UBE2K: variants seen among roughly 807,000 people sequenced by gnomAD.
UBE2K encodes ubiquitin-conjugating enzyme E2 K.
In UBE2K, 6 loss-of-function variants were observed where a neutral mutation model predicts 30.0. The observed-to-expected ratio is 0.20, with a 90% CI of 0.11 to 0.39. UBE2K has a LOEUF of 0.39. UBE2K is among the 10% of genes least tolerant of loss of function. UBE2K has a pLI of 1.00. For synonymous variants in UBE2K, 86 were observed against 83.7 expected, an observed-to-expected ratio of 1.03 and a Z score of -0.15; for missense variants, 61 against 241.6, an observed-to-expected ratio of 0.25 and a Z score of 4.96.
chr4:39,723,468 A>C (rs942187744), intron 1 of UBE2K, among the ~76,000 whole-genome samples: 3 of 142,270 alleles, frequency 2.1e-5, no homozygotes, highest in Admixed American at 1.5e-4. Context: ...TCCCAGGTTC[A>C]TGCCATTCTG....
intron 3 of UBE2K, among the ~76,000 whole-genome samples, chr4:39,752,311 A>ATT (rs751312791): frequency 8.4e-6 from 1 of 118,542 alleles, no homozygotes; most frequent in African/African-American, 3.2e-5. Flanking sequence ...CGCCTGGCTA[A>ATT]TTTTTTTTTT....
At chr4:39,718,380 A>C (rs1444693053) in intron 1 of UBE2K, among the ~76,000 whole-genome samples, 1 of 152,220 alleles carries the variant, frequency 6.6e-6, no homozygotes, top group African/African-American at 2.4e-5. Flanking sequence ...CGATTGGTGC[A>C]TTCACAATCC....
chr4:39,742,655 T>C (rs912080497), intron 2 of UBE2K, among the ~76,000 whole-genome samples: 3 of 152,078 alleles, frequency 2.0e-5, no homozygotes, highest in African/African-American at 7.2e-5. Context: ...GGTAGGAGAA[T>C]TGCTGGAACT....
At chr4:39,743,011 A>C (rs931945213) in intron 2 of UBE2K, among the ~76,000 whole-genome samples, 8 of 151,382 alleles carry the variant, frequency 5.3e-5, no homozygotes, top group Non-Finnish European at 8.8e-5. Context: ...GTGCCTCTGC[A>C]CTCCAGCCTG....
chr4:39,721,674 CA>C (rs1431694144), intron 1 of UBE2K, among the ~76,000 whole-genome samples: 2 of 152,074 alleles, frequency 1.3e-5, no homozygotes, highest in East Asian at 3.9e-4. Flanking sequence ...AACTTTTTAT[CA>C]ATAAAATTTT....
At chr4:39,703,180 G>T (rs529515589) in intron 1 of UBE2K, among the ~76,000 whole-genome samples, 3 of 151,912 alleles carry the variant, frequency 2.0e-5, no homozygotes, top group African/African-American at 7.2e-5. Context: ...TAGTAGAGAC[G>T]GGGGTTTCAC....
At chr4:39,762,957 T>G (rs898046443) in intron 4 of UBE2K, among the ~76,000 whole-genome samples, 2 of 143,256 alleles carry the variant, frequency 1.4e-5, no homozygotes, top group African/African-American at 5.3e-5. Flanking sequence ...TTTTTTTTTT[T>G]TTTTTTGGAG....
chr4:39,730,163 A>G (rs1300864290), intron 1 of UBE2K, among the ~76,000 whole-genome samples: 1 of 152,188 alleles, frequency 6.6e-6, no homozygotes, highest in Non-Finnish European at 1.5e-5. Context: ...TAGATTGAGT[A>G]AAGTTTGACA....
At chr4:39,704,132 G>T (rs12645606) in intron 1 of UBE2K, among the ~76,000 whole-genome samples, 19,787 of 151,424 alleles carry the variant, frequency 0.13, 1,504 homozygotes, top group East Asian at 0.22. Flanking sequence ...GGCTCACATC[G>T]GTAATTGCAG....
At position 39,779,339 on chromosome 4, in the gene UBE2K, T is replaced by C. The variant is rs1713469725; in HGVS notation, c.*905T>C. 6.6e-6 allele frequency: 1 copy of C among 152,386 alleles called. No homozygotes were observed. Among genetic ancestry groups the C allele is most frequent in the Admixed American group, 6.5e-5 (1 of 15,274 alleles). 9.4% of individuals were successfully genotyped at this position (152,386 alleles called of 1,614,324 possible). A position where few individuals can be genotyped will look rare whatever the true frequency, so the allele number is the denominator to read the frequency against. On this transcript the variant is annotated 3_prime_UTR_variant, in exon 7 of 7. Transcript: ENST00000261427. ...TTCAGTGAATTTGACACCTATTTTT[T>C]AGTGATGAAATTTTTCTTTGAGAAC...
At position 39,777,690 on chromosome 4, in the gene UBE2K, A is replaced by C. The variant is rs767042581; in HGVS notation, c.408A>C (p.Gln136His). The C allele has an allele frequency of 2.6e-6, 4 of 1,558,262 alleles. No homozygotes were observed. The African/African-American group carries it at 4.2e-5, about 16-fold the overall frequency. Reference sequence around the variant, plus strand: ...TTTTTCCCCCCATATAGTACAAACAAAATCCCGAAATGTTCAAACAGACAG... The same window carrying C: ...TTTTTCCCCCCATATAGTACAAACACAATCCCGAAATGTTCAAACAGACAG... ...QDAVVANQYK[Q>H]NPEMFKQTAR... is the part of the protein sequence containing the mutation. The change falls in exon 6 of 7, where the codon CAA (glutamine) becomes CAC (histidine). Residue 136 changes from glutamine (Q) to histidine (H), a missense_variant. Physicochemically the swap from Gln to His is conservative, Grantham distance 24. Coordinates refer to ENST00000261427, the MANE Select transcript of UBE2K (RefSeq NM_005339.5).
At chr4:39,755,564 C>A in intron 3 of UBE2K, 93 bp from the exon 4 acceptor site, 4 of 996,186 alleles carry the variant, frequency 4.0e-6, no homozygotes, top group Non-Finnish European at 6.1e-6. Flanking sequence ...AGGGACCTTT[C>A]TTTTTTTAGT....
In UBE2K at chr4:39,698,668, A is replaced by T. The variant is rs193097629; in HGVS notation, c.63+278A>T. Among the ~76,000 whole-genome samples the T allele has an allele frequency of 2.4e-4, 37 of 152,204 alleles. 1 individual carries two copies. The East Asian group carries it at 6.8e-3, about 28-fold the overall frequency. On this transcript the variant is annotated intron_variant, in intron 1 of 6. Transcript: ENST00000261427. Reference sequence around the variant, plus strand: ...ACTCCTCGGAGGGATGGAAGCTCACAAGAGAACCCGAGGCGGTGGCCGCAG... The same window carrying T: ...ACTCCTCGGAGGGATGGAAGCTCACTAGAGAACCCGAGGCGGTGGCCGCAG...
chr4:39,768,888 C>G (rs542910806), intron 4 of UBE2K, among the ~76,000 whole-genome samples: 83 of 152,212 alleles, frequency 5.5e-4, no homozygotes, highest in African/African-American at 1.9e-3. Flanking sequence ...GATGGAGTAT[C>G]ACTCTGTCAC....
chr4:39,712,864 T>C (rs897782592), intron 1 of UBE2K, among the ~76,000 whole-genome samples: 1 of 149,836 alleles, frequency 6.7e-6, no homozygotes, highest in Non-Finnish European at 1.5e-5. Flanking sequence ...GTGTTTACTT[T>C]TTTTTTTTTT....
intron 4 of UBE2K, among the ~76,000 whole-genome samples, chr4:39,766,216 C>G (rs1431365596): frequency 6.6e-6 from 1 of 151,774 alleles, no homozygotes; most frequent in South Asian, 2.1e-4. Context: ...GACTGCCATA[C>G]TGTTTCCCAT....
intron 1 of UBE2K, among the ~76,000 whole-genome samples, chr4:39,722,402 G>C (rs1408309064): frequency 6.6e-6 from 1 of 152,112 alleles, no homozygotes; most frequent in Admixed American, 6.6e-5. Flanking sequence ...TACTGTTATT[G>C]ATGCTTGGTC....
chr4:39,700,752 A>G (rs1717961766), intron 1 of UBE2K, among the ~76,000 whole-genome samples: 1 of 151,788 alleles, frequency 6.6e-6, no homozygotes, highest in Non-Finnish European at 1.5e-5. Flanking sequence ...TACTAAGAAC[A>G]CTGGTTGATT....
intron 1 of UBE2K, among the ~76,000 whole-genome samples, chr4:39,708,609 A>G (rs1397189104): frequency 2.0e-5 from 3 of 152,102 alleles, no homozygotes; most frequent in Non-Finnish European, 4.4e-5. Flanking sequence ...AGTTTTCAAA[A>G]GATGCTTTTC....
Sources: gnomAD v4.1 joint callset for allele counts (sites outside exome capture counted in the v4.1 genomes callset) on GRCh38, gnomAD v4.1.1 for gene constraint, MANE v1.5 for transcripts, NCBI Gene and HGNC (gene_info 2026-07-23, HGNC 2026-07-21) for gene names.